CIMAP1D: variants seen among roughly 807,000 people sequenced by gnomAD.
The protein encoded by CIMAP1D is CIMAP1 family member D.
the CIMAP1D span, among the ~76,000 whole-genome samples, chr19:469,507 T>C: frequency 6.6e-6 from 1 of 152,024 alleles, no homozygotes; most frequent in South Asian, 2.1e-4. Context: ...CTGGCCAATA[T>C]GGTGAAACCC....
the CIMAP1D span, among the ~76,000 whole-genome samples, chr19:488,303 A>C: frequency 6.6e-6 from 1 of 151,474 alleles, no homozygotes; most frequent in Non-Finnish European, 1.5e-5. Context: ...CGGGCAGATC[A>C]CGAGGTCAGG....
the CIMAP1D span, chr19:472,643 G>A: frequency 1.9e-6 from 1 of 537,746 alleles, no homozygotes; most frequent in Non-Finnish European, 3.3e-6. Context: ...AGAGGCTGCT[G>A]CCCGTCGGGG....
the CIMAP1D span, among the ~76,000 whole-genome samples, chr19:465,089 AGGTG>A: frequency 1.3e-5 from 1 of 76,892 alleles, no homozygotes; most frequent in East Asian, 4.8e-4. Context: ...AAGGATGGAT[AGGTG>A]GATGGGTGAG....
chr19:474,927 G>C, the CIMAP1D span: 13 of 486,256 alleles, frequency 2.7e-5, no homozygotes, highest in Non-Finnish European at 4.4e-5. Context: ...GTGGGGCCCT[G>C]GCCCAAGGCA....
At chr19:475,985 A>ATTT in the CIMAP1D span, among the ~76,000 whole-genome samples, 1 of 45,902 alleles carries the variant, frequency 2.2e-5, no homozygotes, top group Non-Finnish European at 4.5e-5. Context: ...ACGCCTGGCT[A>ATTT]ATTTTTTTTT....
the CIMAP1D span, among the ~76,000 whole-genome samples, chr19:484,134 T>C: frequency 7.3e-6 from 1 of 136,880 alleles, no homozygotes; most frequent in African/African-American, 2.8e-5. Flanking sequence ...TTTTCTTTTC[T>C]TTTTCTTTTT....
chr19:482,101 T>G, the CIMAP1D span, among the ~76,000 whole-genome samples: 3 of 152,210 alleles, frequency 2.0e-5, no homozygotes, highest in Admixed American at 1.3e-4. Context: ...AGTAGTTGTA[T>G]CAAAAAAAGA....
At chr19:488,253 T>A in the CIMAP1D span, among the ~76,000 whole-genome samples, 1 of 149,500 alleles carries the variant, frequency 6.7e-6, no homozygotes, top group Non-Finnish European at 1.5e-5. Context: ...CCGGGCTTGG[T>A]GGCTGAAGCC....
chr19:484,494 A>G, the CIMAP1D span, among the ~76,000 whole-genome samples: 2 of 152,180 alleles, frequency 1.3e-5, no homozygotes. Flanking sequence ...TGGAGTGTGC[A>G]GTGACGTGAT....
chr19:466,402 A>T, the CIMAP1D span, among the ~76,000 whole-genome samples: 1 of 128,160 alleles, frequency 7.8e-6, no homozygotes, highest in African/African-American at 3.1e-5. Flanking sequence ...GGATGGGTGG[A>T]TACAAGGTTA....
the CIMAP1D span, among the ~76,000 whole-genome samples, chr19:470,470 C>T: frequency 2.0e-5 from 3 of 152,140 alleles, no homozygotes; most frequent in Non-Finnish European, 4.4e-5. Flanking sequence ...CTCGGCCTCC[C>T]GAAGTGCTGG....
the CIMAP1D span, among the ~76,000 whole-genome samples, chr19:470,803 G>A: frequency 1.3e-5 from 2 of 152,258 alleles, no homozygotes; most frequent in East Asian, 1.9e-4. Context: ...CTGCTGGCCC[G>A]TGGTAGCAGC....
the CIMAP1D span, chr19:463,523 A>T: frequency 4.7e-6 from 2 of 425,570 alleles, no homozygotes; most frequent in Non-Finnish European, 8.4e-6. Context: ...GAGTTCTGGG[A>T]CACAGGAAGC....
chr19:490,299 T>G, the CIMAP1D span: 1 of 268,266 alleles, frequency 3.7e-6, no homozygotes, highest in Non-Finnish European at 6.9e-6. Context: ...GAGGTTGCAG[T>G]GAGCCGAGAT....
the CIMAP1D span, among the ~76,000 whole-genome samples, chr19:488,425 G>A: frequency 6.6e-6 from 1 of 152,216 alleles, no homozygotes; most frequent in Non-Finnish European, 1.5e-5. Flanking sequence ...GGGAGGCTGA[G>A]GCAGGAGAAT....
At chr19:485,882 C>A in the CIMAP1D span, among the ~76,000 whole-genome samples, 2 of 152,222 alleles carry the variant, frequency 1.3e-5, no homozygotes, top group African/African-American at 4.8e-5. Flanking sequence ...CCGTGATCTG[C>A]CACTCCCCAC....
At chr19:475,336 A>T in the CIMAP1D span, among the ~76,000 whole-genome samples, 1 of 152,216 alleles carries the variant, frequency 6.6e-6, no homozygotes, top group African/African-American at 2.4e-5. Flanking sequence ...GGTGGTGAGA[A>T]CTGGACACGA....
At chr19:470,636 G>A in the CIMAP1D span, among the ~76,000 whole-genome samples, 2 of 152,188 alleles carry the variant, frequency 1.3e-5, no homozygotes, top group Admixed American at 1.3e-4. Flanking sequence ...TCTGAAGGCT[G>A]AGAACAGGCT....
the CIMAP1D span, among the ~76,000 whole-genome samples, chr19:468,479 G>A: frequency 3.3e-5 from 5 of 152,168 alleles, no homozygotes; most frequent in East Asian, 3.8e-4. Context: ...GTTGGACCAC[G>A]TTCAAATCCA....
Sources: allele counts gnomAD v4.1 joint callset (sites outside exome capture counted in the v4.1 genomes callset), GRCh38; gene constraint gnomAD v4.1.1; transcripts MANE v1.5; gene names NCBI Gene and HGNC (gene_info 2026-07-23, HGNC 2026-07-21).